Variants in SYN3 observed in about 807,000 individuals in gnomAD.
SYN3 encodes synapsin-3.
Under a neutral mutation model 65.8 loss-of-function variants are expected in SYN3, and 35 were observed. That is an observed-to-expected ratio of 0.53 (90% CI 0.41 to 0.70). SYN3 has a LOEUF of 0.70. SYN3 is among the 30% of genes least tolerant of loss of function. SYN3 has a pLI of 0.00. For missense variants in SYN3, 680 were observed against 749.0 expected, an observed-to-expected ratio of 0.91 and a Z score of 1.08; for synonymous variants, 270 against 292.9, an observed-to-expected ratio of 0.92 and a Z score of 0.80.
intron 7 of SYN3, among the ~76,000 whole-genome samples, chr22:32,592,124 G>A (rs1201761213): frequency 6.6e-6 from 1 of 152,230 alleles, no homozygotes; most frequent in Admixed American, 6.5e-5. Flanking sequence ...GTCTTGGAAT[G>A]TATCCCCAGC....
chr22:32,922,324 G>C (rs1194749450), intron 4 of SYN3, among the ~76,000 whole-genome samples: 4 of 152,112 alleles, frequency 2.6e-5, no homozygotes, highest in Non-Finnish European at 5.9e-5. Context: ...CCCATCCATT[G>C]GTGTTTCAGC....
intron 1 of SYN3, among the ~76,000 whole-genome samples, chr22:33,048,097 T>C (rs1301202348): frequency 6.6e-6 from 1 of 152,100 alleles, no homozygotes; most frequent in African/African-American, 2.4e-5. Flanking sequence ...ACCTGGACAC[T>C]AGTGGCCAGT....
intron 6 of SYN3, among the ~76,000 whole-genome samples, chr22:32,664,827 TAATCTGCCCGCCTCGGCCTCCC>T (rs1472723934): frequency 4.9e-4 from 74 of 151,322 alleles, no homozygotes; most frequent in Middle Eastern, 3.4e-3. Flanking sequence ...CCTAACCTCA[TAATCTGCCCGCCTCGGCCTCCC>T]AATCTGCCCG....
At chr22:32,762,673 A>G (rs2145726917) in intron 6 of SYN3, among the ~76,000 whole-genome samples, 1 of 152,328 alleles carries the variant, frequency 6.6e-6, no homozygotes, top group Middle Eastern at 3.4e-3. Flanking sequence ...ATATAGAAGA[A>G]CAGGTCTGCT....
At position 32,820,378 on chromosome 22, in the gene SYN3, G is replaced by GT. The variant is rs1270907216; in HGVS notation, c.711+44536_711+44537insA. ...CGTGTGTGTGTGTGTGTGTGTGTGTGGTGTGTTCTACTCCGTGTGTGTGTC... is the reference window on the plus strand; with the variant it reads ...CGTGTGTGTGTGTGTGTGTGTGTGTGTGTGTGTTCTACTCCGTGTGTGTGTC... On this transcript the variant is annotated intron_variant, in intron 6 of 13. Transcript: ENST00000358763. Among the ~76,000 whole-genome samples, 5 of 148,564 alleles carry GT rather than the reference G, an allele frequency of 3.4e-5. No individual in the cohort carries two copies. The East Asian group carries it at 9.9e-4, about 30-fold the overall frequency.
intron 2 of SYN3, among the ~76,000 whole-genome samples, chr22:33,003,469 T>C (rs2053118109): frequency 6.6e-6 from 1 of 152,168 alleles, no homozygotes; most frequent in Admixed American, 6.5e-5. Flanking sequence ...CAGGTTGAGG[T>C]GGTCTCAGAT....
At chr22:32,534,948 C>T (rs1218050963) in intron 9 of SYN3, among the ~76,000 whole-genome samples, 1 of 152,114 alleles carries the variant, frequency 6.6e-6, no homozygotes, top group Non-Finnish European at 1.5e-5. Context: ...AGCTGTAGCA[C>T]GGAGCATGTG....
intron 6 of SYN3, among the ~76,000 whole-genome samples, chr22:32,735,198 T>C (rs536424557): frequency 2.0e-4 from 30 of 152,296 alleles, no homozygotes; most frequent in Non-Finnish European, 2.6e-4. Context: ...CTGGATCAGA[T>C]GGAGTGGGAT....
chr22:32,666,077 A>C (rs1337641603), intron 6 of SYN3, among the ~76,000 whole-genome samples: 1 of 152,054 alleles, frequency 6.6e-6, no homozygotes, highest in East Asian at 1.9e-4. Context: ...TTCACACCTC[A>C]CACCCAATCC....
intron 4 of SYN3, among the ~76,000 whole-genome samples, chr22:32,896,271 A>G (rs746408407): frequency 2.1e-5 from 3 of 145,412 alleles, no homozygotes; most frequent in Non-Finnish European, 3.0e-5. Context: ...CCTGGCCAAC[A>G]TGGTGAAACC....
intron 7 of SYN3, among the ~76,000 whole-genome samples, chr22:32,572,098 A>G (rs913027509): frequency 2.0e-5 from 3 of 151,744 alleles, no homozygotes; most frequent in Non-Finnish European, 4.4e-5. Context: ...TTAAGCGGGG[A>G]AGGTACTTAA....
chr22:32,582,752 C>T, intron 7 of SYN3, among the ~76,000 whole-genome samples: 1 of 152,092 alleles, frequency 6.6e-6, no homozygotes, highest in South Asian at 2.1e-4. Context: ...GCACACTGAG[C>T]AGCAAGGCTA....
In SYN3 at chr22:32,820,242, CTG is replaced by C. The variant is rs3054173; in HGVS notation, c.711+44671_711+44672del. Reference sequence around the variant, plus strand: ...TTCCTTAGCATTCCTCCTTTCTCCCCTGTGTGTGTGTGTGTGTGTGCGTGCGC... The same window carrying C: ...TTCCTTAGCATTCCTCCTTTCTCCCCTGTGTGTGTGTGTGTGTGCGTGCGC... On this transcript the variant is annotated intron_variant, in intron 6 of 13. Transcript: ENST00000358763. Among the ~76,000 whole-genome samples the C allele has an allele frequency of 4.3e-3, 641 of 148,770 alleles. 5 individuals carry two copies. Among genetic ancestry groups the C allele is most frequent in the African/African-American group, 0.011 (454 of 40,512 alleles).
chr22:32,754,025 C>T (rs571826268), intron 6 of SYN3, among the ~76,000 whole-genome samples: 65 of 152,360 alleles, frequency 4.3e-4, no homozygotes, highest in Non-Finnish European at 7.5e-4. Flanking sequence ...CATCCTTTCT[C>T]ATAACCACTC....
At chr22:32,848,862 C>T (rs780079299) in intron 6 of SYN3, among the ~76,000 whole-genome samples, 1 of 150,802 alleles carries the variant, frequency 6.6e-6, no homozygotes, top group Non-Finnish European at 1.5e-5. Context: ...ACCACATCCC[C>T]ATAGAGCTCA....
chr22:32,925,473 C>T (rs1374859588), intron 4 of SYN3, among the ~76,000 whole-genome samples: 1 of 152,186 alleles, frequency 6.6e-6, no homozygotes, highest in East Asian at 1.9e-4. Flanking sequence ...GGAAGAACTG[C>T]CAATTAGCAA....
rs557083196 is a variant in SYN3, at chr22:32,858,833, C to T, written c.711+6082G>A. Among the ~76,000 whole-genome samples the T allele has an allele frequency of 1.8e-4, 28 of 152,256 alleles. No individual in the cohort carries two copies. In the South Asian group the frequency reaches 5.6e-3, roughly 31 times the overall value. ...AGTTTATGCTCTAACCTTTCTAATT[C>T]CTCGATTCCCTAAAACAACTGAGAT... On this transcript the variant is annotated intron_variant, in intron 6 of 13. Coordinates refer to ENST00000358763, the MANE Select transcript of SYN3 (RefSeq NM_003490.4).
At chr22:32,964,079 A>G (rs1441672138) in intron 3 of SYN3, among the ~76,000 whole-genome samples, 1 of 152,062 alleles carries the variant, frequency 6.6e-6, no homozygotes, top group South Asian at 2.1e-4. Context: ...CATTTTAAAC[A>G]GGCCAAGAAC....
chr22:32,851,168 G>A (rs1007471192), intron 6 of SYN3, among the ~76,000 whole-genome samples: 1 of 152,148 alleles, frequency 6.6e-6, no homozygotes, highest in African/African-American at 2.4e-5. Flanking sequence ...TGCAACCTCT[G>A]GCAGACAGCG....
Sources: gnomAD v4.1 joint callset for allele counts (sites outside exome capture counted in the v4.1 genomes callset) on GRCh38, gnomAD v4.1.1 for gene constraint, MANE v1.5 for transcripts, NCBI Gene and HGNC (gene_info 2026-07-23, HGNC 2026-07-21) for gene names.